CFAP61: variants seen among roughly 807,000 people sequenced by gnomAD.
CFAP61 encodes the protein cilia- and flagella-associated protein 61.
Under a neutral mutation model 135.6 loss-of-function variants are expected in CFAP61, and 107 were observed. That is an observed-to-expected ratio of 0.79 (90% CI 0.67 to 0.93). The LOEUF is 0.93. CFAP61 is among the 40% of genes least tolerant of loss of function. The pLI, the probability that CFAP61 is intolerant of heterozygous loss-of-function variation, is 0.00. For synonymous variants in CFAP61, 575 were observed against 578.5 expected (o/e 0.99, Z 0.09); for missense variants, 1,507 against 1,556.2 (o/e 0.97, Z 0.53).
intron 26 of CFAP61, among the ~76,000 whole-genome samples, chr20:20,356,471 TGAGGGGAGGTGGTCAC>T (rs2059173740): frequency 7.3e-6 from 1 of 137,190 alleles, no homozygotes. Context: ...GTGGTCACAC[TGAGGGGAGGTGGTCAC>T]AGTGTGAGGG....
chr20:20,312,464 A>G (rs1484991710), intron 25 of CFAP61, among the ~76,000 whole-genome samples: 1 of 152,206 alleles, frequency 6.6e-6, no homozygotes, highest in Non-Finnish European at 1.5e-5. Flanking sequence ...GCCCAAAATA[A>G]AACACACAGA....
rs964616187 is a variant in CFAP61 at position 20,196,623 on chromosome 20, T to A, written c.1644T>A (p.Ser548Arg). 11 of 1,614,076 alleles carry A rather than the reference T, an allele frequency of 6.8e-6. No homozygotes were observed. The highest frequency in any genetic ancestry group is 9.3e-6 in the Non-Finnish European group (11 of 1,180,042). The part of the protein sequence containing the change: ...HYNIEDFIYF[S>R]HHQREEHGHM... Reference sequence around the variant, plus strand: ...ACATTGAAGATTTCATCTACTTCAGTCACCACCAGCGCGAAGAACACGGGC... The same window carrying A: ...ACATTGAAGATTTCATCTACTTCAGACACCACCAGCGCGAAGAACACGGGC... Residue 548 changes from serine (S) to arginine (R), a missense_variant, in exon 16 of 27, where the codon AGT becomes AGA. Ser to Arg is a moderately radical substitution (Grantham distance 110). Coordinates refer to ENST00000245957, the MANE Select transcript of CFAP61 (RefSeq NM_015585.4).
At chr20:20,318,581 G>A (rs2057269096) in intron 25 of CFAP61, among the ~76,000 whole-genome samples, 1 of 152,112 alleles carries the variant, frequency 6.6e-6, no homozygotes, top group Non-Finnish European at 1.5e-5. Context: ...CTCTGGGATT[G>A]GCCTCCCCTG....
Position 20,313,582 on chromosome 20 carries a change from C to T in CFAP61, c.3422+15196C>T, listed in dbSNP as rs141402081. Among the ~76,000 whole-genome samples, 198 of 152,272 alleles carry T rather than the reference C, an allele frequency of 1.3e-3. 2 individuals carry two copies. Among genetic ancestry groups the T allele is most frequent in the African/African-American group, 4.3e-3 (179 of 41,556 alleles). On this transcript the variant is annotated intron_variant, in intron 25 of 26. Transcript: ENST00000245957. ...CCATGTCAGAACCTGGATCCAGTCC[C>T]GGGTTCTAACATTATACCAGCCTTA...
intron 23 of CFAP61, 73 bp from the exon 24 acceptor site, chr20:20,290,227 G>A: frequency 1.1e-6 from 1 of 948,932 alleles, no homozygotes. Context: ...TTTGTCCTGT[G>A]ATGAAAATAT....
At chr20:20,249,374 A>C (rs913068886) in intron 19 of CFAP61, among the ~76,000 whole-genome samples, 1 of 144,692 alleles carries the variant, frequency 6.9e-6, no homozygotes, top group Non-Finnish European at 1.5e-5. Context: ...CCATTTCTAC[A>C]AAAAAAAAAA....
In CFAP61 at chr20:20,246,128, A is replaced by G. The variant is rs76275197; in HGVS notation, c.2072A>G (p.Lys691Arg). 1.2e-4 allele frequency: 198 copies of G among 1,606,838 alleles called. No individual in the cohort carries two copies. The African/African-American group carries it at 2.3e-3, about 19-fold the overall frequency. ...LETLVFCSHM[K>R]FNNLTLISTH... The stretch of plus-strand genomic sequence containing the variant: ...TTCTTTTTCTTTAGCTCTCACATGA[A>G]GTTTAATAATCTTACCCTGATTTCA... Residue 691 changes from lysine to arginine, a missense_variant, in exon 19 of 27, where the codon AAG becomes AGG. Transcript: ENST00000245957.
At chr20:20,256,279 G>A (rs1015335602) in intron 20 of CFAP61, among the ~76,000 whole-genome samples, 8 of 152,226 alleles carry the variant, frequency 5.3e-5, no homozygotes, top group African/African-American at 1.9e-4. Context: ...TTTAGTGTGA[G>A]TTTGCTGAAC....
chr20:20,122,673 A>G (rs1431347890), intron 8 of CFAP61, among the ~76,000 whole-genome samples: 1 of 152,130 alleles, frequency 6.6e-6, no homozygotes, highest in Non-Finnish European at 1.5e-5. Flanking sequence ...GATTGATGGC[A>G]ATTTGGGTTG....
chr20:20,200,700 G>C, intron 17 of CFAP61: 1 of 985,192 alleles, frequency 1.0e-6, no homozygotes, highest in South Asian at 4.7e-5. Flanking sequence ...AAAGGAAAGT[G>C]TAAGTTTAAA....
chr20:20,171,849 T>G (rs1451931191), intron 13 of CFAP61: 2 of 682,584 alleles, frequency 2.9e-6, no homozygotes, highest in Admixed American at 4.7e-5. Context: ...ATGCAAGAGT[T>G]TCAGACCCAC....
Position 20,098,875 on chromosome 20 carries a change from C to G in CFAP61, c.859+61C>G, listed in dbSNP as rs548489249. Reference sequence around the variant, plus strand: ...AAATCTATGCTTTATACACATTGCGCTCTTCGCTAAGTGATGGAACTAGAT... The same window carrying G: ...AAATCTATGCTTTATACACATTGCGGTCTTCGCTAAGTGATGGAACTAGAT... On this transcript the variant is annotated intron_variant, in intron 8 of 26. Coordinates refer to ENST00000245957, the MANE Select transcript of CFAP61 (RefSeq NM_015585.4). 96 of 1,447,620 alleles carry G rather than the reference C, an allele frequency of 6.6e-5. 1 individual carries two copies. In the African/African-American group the frequency reaches 1.3e-3, roughly 19 times the overall value. 89.7% of individuals were successfully genotyped at this position (1,447,620 alleles called of 1,614,324 possible). A position where few individuals can be genotyped will look rare whatever the true frequency, so the allele number is the denominator to read the frequency against.
At chr20:20,287,227 C>G (rs555083519) in intron 22 of CFAP61, among the ~76,000 whole-genome samples, 3 of 152,106 alleles carry the variant, frequency 2.0e-5, no homozygotes, top group African/African-American at 7.2e-5. Context: ...AAGAAGCATC[C>G]TGGGATGGGA....
chr20:20,360,679 T>G lies in CFAP61; in HGVS notation c.*269T>G. ...AGAATAATCCATTTCAGCAATAAAATGAGATCATAGTGTGTAAAACTTGTT... is the reference window on the plus strand; with the variant it reads ...AGAATAATCCATTTCAGCAATAAAAGGAGATCATAGTGTGTAAAACTTGTT... On this transcript the variant is annotated 3_prime_UTR_variant, in exon 27 of 27. Coordinates refer to ENST00000245957, the MANE Select transcript of CFAP61 (RefSeq NM_015585.4). 2.1e-6 allele frequency: 1 copy of G among 470,476 alleles called. No individual in the cohort carries two copies. Among genetic ancestry groups the G allele is most frequent in the South Asian group, 3.3e-5 (1 of 30,118 alleles). 29.1% of individuals were successfully genotyped at this position (470,476 alleles called of 1,614,324 possible). A position where few individuals can be genotyped will look rare whatever the true frequency, so the allele number is the denominator to read the frequency against.
intron 1 of CFAP61, chr20:20,056,078 A>G (rs1468771558): frequency 1.7e-6 from 2 of 1,183,936 alleles, no homozygotes; most frequent in Non-Finnish European, 2.5e-6. Context: ...AAGTTGCTTT[A>G]TTATGGAACC....
chr20:20,291,773 G>C (rs946058100), intron 24 of CFAP61, among the ~76,000 whole-genome samples: 1 of 152,186 alleles, frequency 6.6e-6, no homozygotes, highest in African/African-American at 2.4e-5. Context: ...TTGGTCAGTT[G>C]AAGAGCTCCT....
intron 25 of CFAP61, among the ~76,000 whole-genome samples, chr20:20,323,572 T>C (rs544323922): frequency 1.3e-5 from 2 of 152,336 alleles, no homozygotes; most frequent in East Asian, 3.9e-4. Flanking sequence ...TAATAACGAA[T>C]GGAATGCACA....
chr20:20,071,035 C>T, intron 3 of CFAP61, 31 bp downstream of exon 3: 3 of 1,605,334 alleles, frequency 1.9e-6, no homozygotes, highest in Non-Finnish European at 2.6e-6. Flanking sequence ...CTTGTTAGAA[C>T]ACCCTGAATC....
At chr20:20,185,346 T>A (rs1229769902) in intron 13 of CFAP61, among the ~76,000 whole-genome samples, 1 of 152,132 alleles carries the variant, frequency 6.6e-6, no homozygotes, top group African/African-American at 2.4e-5. Flanking sequence ...GGCAGAAATG[T>A]GGAGAGACAC....
Sources: allele counts gnomAD v4.1 joint callset (sites outside exome capture counted in the v4.1 genomes callset), GRCh38; gene constraint gnomAD v4.1.1; transcripts MANE v1.5; gene names NCBI Gene and HGNC (gene_info 2026-07-23, HGNC 2026-07-21).